Variants in WDR19 observed in about 807,000 individuals in gnomAD.
WDR19 encodes the protein WD repeat-containing protein 19.
A neutral mutation model predicts 180.0 loss-of-function variants in WDR19; 121 were observed. That is an observed-to-expected ratio of 0.67 (90% CI 0.58 to 0.78). WDR19 has a LOEUF of 0.78. WDR19 is among the 30% of genes least tolerant of loss of function. WDR19 has a pLI of 0.00. For missense variants in WDR19, 1,450 were observed against 1,640.7 expected, an observed-to-expected ratio of 0.88 and a Z score of 2.01; for synonymous variants, 497 against 540.7, an observed-to-expected ratio of 0.92 and a Z score of 1.12.
At chr4:39,184,644 T>C (rs1725325705) in intron 1 of WDR19, among the ~76,000 whole-genome samples, 1 of 152,002 alleles carries the variant, frequency 6.6e-6, no homozygotes. Flanking sequence ...TTTTTGGTAA[T>C]TTTAGTAGAG....
intron 15 of WDR19, among the ~76,000 whole-genome samples, chr4:39,227,980 C>G (rs1302781343): frequency 6.6e-6 from 1 of 152,040 alleles, no homozygotes; most frequent in Non-Finnish European, 1.5e-5. Context: ...TACAAATTTG[C>G]CAGATTTTAG....
chr4:39,271,165 G>A (rs1735335281), intron 31 of WDR19, among the ~76,000 whole-genome samples: 1 of 152,126 alleles, frequency 6.6e-6, no homozygotes, highest in Non-Finnish European at 1.5e-5. Context: ...CCAAAGTGCT[G>A]GGATTACAGG....
At chr4:39,270,931 G>C (rs986487776) in intron 31 of WDR19, among the ~76,000 whole-genome samples, 1 of 124,496 alleles carries the variant, frequency 8.0e-6, no homozygotes, top group Non-Finnish European at 1.6e-5. Context: ...ATCTCACTCT[G>C]TCACCCAGGT....
intron 19 of WDR19, among the ~76,000 whole-genome samples, chr4:39,233,316 T>C (rs1560519948): frequency 6.6e-6 from 1 of 152,136 alleles, no homozygotes; most frequent in Non-Finnish European, 1.5e-5. Flanking sequence ...AGACTAGCAA[T>C]GAGGGGCATA....
At chr4:39,234,670 A>G in intron 19 of WDR19, 96 bp from the exon 20 acceptor site, 1 of 752,626 alleles carries the variant, frequency 1.3e-6, no homozygotes, top group East Asian at 2.7e-5. Context: ...TTAAACAAAA[A>G]GGTTTTGTAA....
In WDR19 at chr4:39,281,823, G is replaced by A. The variant is rs1424326905; in HGVS notation, c.*13+3160G>A. ...GTTGACTGGAGCTGAAATCTTATCC[G>A]AAGTCTTTTTCTAGTCTATTTGTTA... is the stretch of plus-strand genomic sequence containing the variant. On this transcript the variant is annotated intron_variant, in intron 36 of 36. Coordinates refer to ENST00000399820, the MANE Select transcript of WDR19 (RefSeq NM_025132.4). Among the ~76,000 whole-genome samples, 4 of 152,074 alleles carry A rather than the reference G, an allele frequency of 2.6e-5. No individual in the cohort carries two copies. In the East Asian group the frequency reaches 5.8e-4, roughly 22 times the overall value.
intron 20 of WDR19, among the ~76,000 whole-genome samples, chr4:39,238,938 G>A (rs1325967178): frequency 6.6e-6 from 1 of 152,046 alleles, no homozygotes; most frequent in Non-Finnish European, 1.5e-5. Context: ...TCTGTATATG[G>A]AGATCCATGT....
At chr4:39,213,969 A>G (rs1358102940) in intron 9 of WDR19, among the ~76,000 whole-genome samples, 1 of 152,230 alleles carries the variant, frequency 6.6e-6, no homozygotes, top group African/African-American at 2.4e-5. Flanking sequence ...AGAGGAAAAC[A>G]CTGGAAGAGA....
In WDR19 at chr4:39,228,574, A is replaced by C; in HGVS notation, c.1866A>C (p.Thr622=). Residue 622 remains threonine, a synonymous_variant, in exon 17 of 37, where the codon ACA becomes ACC. Coordinates refer to ENST00000399820, the MANE Select transcript of WDR19 (RefSeq NM_025132.4). ...LLYNGELTCQ[T]QSGKVNNIYL... ...ATAATGGAGAGCTGACCTGCCAAAC[A>C]CAGAGTGGAAAAGTAAACAACATCT... 1 of 1,613,984 alleles carries C rather than the reference A, an allele frequency of 6.2e-7. No homozygotes were observed. The highest frequency in any genetic ancestry group is 8.5e-7 in the Non-Finnish European group (1 of 1,179,842).
intron 36 of WDR19, among the ~76,000 whole-genome samples, chr4:39,281,726 T>C (rs533772285): frequency 8.8e-4 from 134 of 152,344 alleles, no homozygotes; most frequent in African/African-American, 3.1e-3. Context: ...ACAATTTCTA[T>C]GGTTATGGGT....
At position 39,277,295 on chromosome 4, in the gene WDR19, A is replaced by G. The variant is rs1001925090; in HGVS notation, c.3840+152A>G. The stretch of plus-strand genomic sequence containing the variant: ...TAGCATTTTATTTCATAGTCAATAC[A>G]GTTAAAGGTGATATTCAAAGCAAAT... On this transcript the variant is annotated intron_variant, in intron 34 of 36. Transcript: ENST00000399820. 20 of 876,860 alleles carry G rather than the reference A, an allele frequency of 2.3e-5. No homozygotes were observed. The African/African-American group carries it at 3.2e-4, about 14-fold the overall frequency. 54.3% of individuals were successfully genotyped at this position (876,860 alleles called of 1,614,324 possible). A position where few individuals can be genotyped will look rare whatever the true frequency, so the allele number is the denominator to read the frequency against.
intron 7 of WDR19, among the ~76,000 whole-genome samples, chr4:39,204,171 CACCTCCTAGGTT>C (rs1727682630): frequency 6.6e-6 from 1 of 151,860 alleles, no homozygotes. Flanking sequence ...CCGCAACCTC[CACCTCCTAGGTT>C]CAAGCGATTC....
intron 19 of WDR19, among the ~76,000 whole-genome samples, chr4:39,233,369 T>C (rs191253526): frequency 3.8e-4 from 58 of 152,318 alleles, no homozygotes; most frequent in African/African-American, 1.4e-3. Context: ...TCCAGCTCTG[T>C]GTAAGCTTGG....
chr4:39,197,913 A>G (rs1333902107), intron 5 of WDR19, among the ~76,000 whole-genome samples: 1 of 152,160 alleles, frequency 6.6e-6, no homozygotes, highest in African/African-American at 2.4e-5. Flanking sequence ...ATTACGGCGC[A>G]CTGCAGCCTC....
intron 9 of WDR19, among the ~76,000 whole-genome samples, chr4:39,207,773 C>G (rs1484588665): frequency 6.6e-6 from 1 of 151,868 alleles, no homozygotes; most frequent in Non-Finnish European, 1.5e-5. Flanking sequence ...GAACTGAGAA[C>G]AGAAGGAAAT....
chr4:39,223,205 C>T (rs1188837251), intron 14 of WDR19, among the ~76,000 whole-genome samples: 3 of 152,082 alleles, frequency 2.0e-5, no homozygotes, highest in African/African-American at 7.2e-5. Flanking sequence ...TTGCACAACT[C>T]TATGAATATA....
At chr4:39,212,259 G>A (rs1267597370) in intron 9 of WDR19, among the ~76,000 whole-genome samples, 1 of 152,072 alleles carries the variant, frequency 6.6e-6, no homozygotes, top group Non-Finnish European at 1.5e-5. Flanking sequence ...AAATGGTACT[G>A]GGGCAATTAG....
intron 14 of WDR19, among the ~76,000 whole-genome samples, chr4:39,221,972 T>C (rs993432394): frequency 1.3e-5 from 2 of 152,228 alleles, no homozygotes; most frequent in African/African-American, 4.8e-5. Flanking sequence ...ATAAAGCCTC[T>C]ATCAACATTC....
intron 28 of WDR19, among the ~76,000 whole-genome samples, chr4:39,260,051 TTC>T (rs1041968163): frequency 1.1e-4 from 17 of 150,522 alleles, no homozygotes; most frequent in Admixed American, 1.3e-4. Flanking sequence ...TATTCTCTCC[TTC>T]TCTCTCTCTC....
Sources: gnomAD v4.1 joint callset for allele counts (sites outside exome capture counted in the v4.1 genomes callset) on GRCh38, gnomAD v4.1.1 for gene constraint, MANE v1.5 for transcripts, NCBI Gene and HGNC (gene_info 2026-07-23, HGNC 2026-07-21) for gene names.